Variants in ACTMAP observed in about 807,000 individuals in gnomAD.
The protein encoded by ACTMAP is UPF0692 protein C19orf54.
the ACTMAP span, chr19:40,741,880 G>T: frequency 2.2e-6 from 1 of 455,226 alleles, no homozygotes; most frequent in East Asian, 7.0e-5. Flanking sequence ...AAGACATGAG[G>T]TGGGGGAGGG....
chr19:40,742,711 G>A, the ACTMAP span: 2 of 1,612,358 alleles, frequency 1.2e-6, no homozygotes, highest in South Asian at 2.2e-5. Context: ...AACAGGCCCG[G>A]CAGCTCAGGG....
At chr19:40,743,969 G>C in the ACTMAP span, 2 of 1,614,012 alleles carry the variant, frequency 1.2e-6, no homozygotes, top group Non-Finnish European at 1.7e-6. Flanking sequence ...TGAAGTCCTC[G>C]TCGTAGCTGG....
chr19:40,743,572 G>A, the ACTMAP span, among the ~76,000 whole-genome samples: 4 of 152,150 alleles, frequency 2.6e-5, no homozygotes, highest in African/African-American at 9.7e-5. Context: ...TGCCTACAAG[G>A]CAGCCTTATG....
the ACTMAP span, chr19:40,745,215 C>T: frequency 7.7e-6 from 12 of 1,551,530 alleles, no homozygotes; most frequent in Middle Eastern, 1.7e-4. Flanking sequence ...CAGAGCCGTG[C>T]TCAGTCACCA....
the ACTMAP span, chr19:40,741,855 G>A: frequency 1.5e-5 from 7 of 456,412 alleles, no homozygotes; most frequent in South Asian, 7.7e-5. Context: ...CTCCCAGATG[G>A]GCTTTAAAAC....
At chr19:40,742,557 T>G in the ACTMAP span, 2 of 1,600,360 alleles carry the variant, frequency 1.2e-6, no homozygotes, top group Non-Finnish European at 1.7e-6. Context: ...GTCCGTCAGC[T>G]GCAGGTTGCT....
the ACTMAP span, chr19:40,744,186 C>G: frequency 6.3e-7 from 1 of 1,582,862 alleles, no homozygotes; most frequent in Non-Finnish European, 8.6e-7. Flanking sequence ...CCAGCCTGCC[C>G]ATATCGGCCA....
At chr19:40,744,083 G>C in the ACTMAP span, 2 of 1,613,954 alleles carry the variant, frequency 1.2e-6, no homozygotes, top group Non-Finnish European at 1.7e-6. Flanking sequence ...AGCAGGGGAT[G>C]TCCAGTGACC....
chr19:40,744,981 G>T, the ACTMAP span: 1 of 976,654 alleles, frequency 1.0e-6, no homozygotes, highest in African/African-American at 1.6e-5. Context: ...CAGGCACTCA[G>T]AAGCCTGAGT....
the ACTMAP span, chr19:40,743,775 G>A: frequency 1.7e-6 from 2 of 1,147,928 alleles, no homozygotes; most frequent in East Asian, 2.4e-5. Flanking sequence ...GGCCCAGCCT[G>A]CCCGGTGCTA....
chr19:40,744,827 G>T, the ACTMAP span: 1 of 1,285,628 alleles, frequency 7.8e-7, no homozygotes, highest in Non-Finnish European at 1.0e-6. Context: ...CCCCTTCAGG[G>T]GAGAGCCCAG....
chr19:40,749,703 C>T, the ACTMAP span: 6 of 1,521,804 alleles, frequency 3.9e-6, no homozygotes, highest in African/African-American at 1.4e-5. Context: ...GTCCAGGGGA[C>T]TTGGGGGTAG....
At chr19:40,746,332 G>A in the ACTMAP span, among the ~76,000 whole-genome samples, 5 of 152,024 alleles carry the variant, frequency 3.3e-5, no homozygotes, top group Non-Finnish European at 7.4e-5. Flanking sequence ...CGATTCTCCT[G>A]CCTCAGCCTC....
chr19:40,745,766 G>A, the ACTMAP span, among the ~76,000 whole-genome samples: 2 of 152,162 alleles, frequency 1.3e-5, no homozygotes, highest in East Asian at 1.9e-4. Flanking sequence ...CCTACCTCCC[G>A]GGTTCAAGTG....
chr19:40,745,978 T>C, the ACTMAP span, among the ~76,000 whole-genome samples: 2 of 152,214 alleles, frequency 1.3e-5, no homozygotes, highest in Admixed American at 1.3e-4. Context: ...CGACTCTTTT[T>C]ATTTTTAGTA....
chr19:40,745,212 G>A, the ACTMAP span: 91 of 1,551,734 alleles, frequency 5.9e-5, no homozygotes, highest in African/African-American at 1.9e-4. Context: ...AAGCAGAGCC[G>A]TGCTCAGTCA....
the ACTMAP span, chr19:40,742,854 C>G: frequency 1.3e-5 from 18 of 1,351,834 alleles, no homozygotes; most frequent in Non-Finnish European, 1.7e-5. Flanking sequence ...CCTCTCCCGG[C>G]CCTCCAGGGT....
the ACTMAP span, chr19:40,749,807 G>A: frequency 1.5e-5 from 21 of 1,447,830 alleles, no homozygotes; most frequent in Non-Finnish European, 1.9e-5. Context: ...AAGTCATTTT[G>A]GGGTCTACAG....
chr19:40,745,507 C>A, the ACTMAP span, among the ~76,000 whole-genome samples: 1 of 152,136 alleles, frequency 6.6e-6, no homozygotes, highest in African/African-American at 2.4e-5. Context: ...AAAGTGGTAT[C>A]TCTATCTCCA....
Sources: gnomAD v4.1 joint callset for allele counts (sites outside exome capture counted in the v4.1 genomes callset) on GRCh38, gnomAD v4.1.1 for gene constraint, MANE v1.5 for transcripts, NCBI Gene and HGNC (gene_info 2026-07-23, HGNC 2026-07-21) for gene names.